PCED1B: variants seen among roughly 807,000 people sequenced by gnomAD.
The protein encoded by PCED1B is PC-esterase domain containing 1B, also known as PC-esterase domain-containing protein 1B.
For synonymous variants in PCED1B, 251 were observed against 246.1 expected, an observed-to-expected ratio of 1.02 and a Z score of -0.19; for missense variants, 573 against 573.9, an observed-to-expected ratio of 1.00 and a Z score of 0.02.
intron 2 of PCED1B, among the ~76,000 whole-genome samples, chr12:47,113,915 C>A (rs974802521): frequency 5.9e-5 from 9 of 151,514 alleles, no homozygotes; most frequent in Admixed American, 3.9e-4. Context: ...TGCGCCCCTG[C>A]ACTCCAGCCT....
chr12:47,081,895 C>T (rs1246547711), intron 1 of PCED1B, among the ~76,000 whole-genome samples: 1 of 152,046 alleles, frequency 6.6e-6, no homozygotes, highest in African/African-American at 2.4e-5. Context: ...ATTATAACTA[C>T]AGGCATATTG....
rs780041489 is a variant in PCED1B at position 47,236,170 on chromosome 12, C to T, written c.1107C>T (p.Val369=). ...CATCAGCCCATGCAGGTTTCTTCGT[C>T]GAAGACAATTTTATGGTTGGTCCTC... ...VPSSAHAGFF[V]EDNFMVGPQL... Residue 369 remains valine, a synonymous_variant, in exon 4 of 4, where the codon GTC becomes GTT. Transcript: ENST00000546455. 6.2e-7 allele frequency: 1 copy of T among 1,614,118 alleles called. No individual in the cohort carries two copies. Among genetic ancestry groups the T allele is most frequent in the South Asian group, 1.1e-5 (1 of 91,074 alleles).
At chr12:47,218,444 A>C (rs1943370369) in intron 3 of PCED1B, among the ~76,000 whole-genome samples, 1 of 152,226 alleles carries the variant, frequency 6.6e-6, no homozygotes, top group Non-Finnish European at 1.5e-5. Flanking sequence ...CAGGCAAAGC[A>C]GTGGGAACTC....
intron 2 of PCED1B, among the ~76,000 whole-genome samples, chr12:47,201,378 T>C (rs1037067442): frequency 2.6e-5 from 4 of 152,146 alleles, no homozygotes; most frequent in African/African-American, 9.7e-5. Flanking sequence ...GGGAGTCAGC[T>C]TGCACAAGTT....
intron 3 of PCED1B, among the ~76,000 whole-genome samples, chr12:47,227,396 C>T (rs1365762873): frequency 1.3e-5 from 2 of 151,962 alleles, no homozygotes. Flanking sequence ...TGGTCTTGAA[C>T]TCCTGACCCC....
chr12:47,084,849 A>G (rs747122062), intron 1 of PCED1B, among the ~76,000 whole-genome samples: 5 of 152,194 alleles, frequency 3.3e-5, no homozygotes, highest in African/African-American at 1.2e-4. Context: ...AGCAGAAAAC[A>G]TTTAGGCTGG....
chr12:47,185,532 T>C (rs191390515), intron 2 of PCED1B, among the ~76,000 whole-genome samples: 1 of 152,170 alleles, frequency 6.6e-6, no homozygotes, highest in Non-Finnish European at 1.5e-5. Flanking sequence ...CTCACACCTG[T>C]AATCCCAGCA....
chr12:47,230,426 A>G (rs1205835008), intron 3 of PCED1B, among the ~76,000 whole-genome samples: 1 of 151,298 alleles, frequency 6.6e-6, no homozygotes, highest in Non-Finnish European at 1.5e-5. Context: ...TAAGTACTTC[A>G]TAGTAGAAAA....
intron 2 of PCED1B, among the ~76,000 whole-genome samples, chr12:47,148,406 G>A (rs1940869016): frequency 6.6e-6 from 1 of 152,184 alleles, no homozygotes; most frequent in South Asian, 2.1e-4. Flanking sequence ...TTGGAAAAGT[G>A]TGGATACTAG....
At chr12:47,131,402 T>C (rs182678905) in intron 2 of PCED1B, among the ~76,000 whole-genome samples, 5 of 152,294 alleles carry the variant, frequency 3.3e-5, no homozygotes. Context: ...ATTCAATTCG[T>C]TCTATTTTCA....
At chr12:47,083,357 A>C (rs1372485774) in intron 1 of PCED1B, among the ~76,000 whole-genome samples, 2 of 152,058 alleles carry the variant, frequency 1.3e-5, no homozygotes, top group East Asian at 3.9e-4. Context: ...CGTGAGGCAC[A>C]CTGGGTGTTC....
At chr12:47,119,639 C>A (rs1245212947) in intron 2 of PCED1B, among the ~76,000 whole-genome samples, 1 of 151,722 alleles carries the variant, frequency 6.6e-6, no homozygotes, top group Non-Finnish European at 1.5e-5. Context: ...TGCAATCTGG[C>A]AAGAGACTTA....
chr12:47,084,101 A>G (rs1565737066), intron 1 of PCED1B, among the ~76,000 whole-genome samples: 2 of 152,234 alleles, frequency 1.3e-5, no homozygotes, highest in Non-Finnish European at 2.9e-5. Flanking sequence ...AAAAAACTCA[A>G]TAAATAAGTT....
intron 2 of PCED1B, among the ~76,000 whole-genome samples, chr12:47,204,189 T>A (rs958018596): frequency 1.3e-5 from 2 of 152,172 alleles, no homozygotes; most frequent in Non-Finnish European, 2.9e-5. Context: ...TCTTAAATGA[T>A]CTGCCCGCTT....
chr12:47,139,316 A>G (rs1359468306), intron 2 of PCED1B, among the ~76,000 whole-genome samples: 2 of 152,222 alleles, frequency 1.3e-5, no homozygotes, highest in East Asian at 3.9e-4. Flanking sequence ...GCCAGTCAGG[A>G]CAGTAATGGG....
Position 47,235,610 on chromosome 12 carries a change from C to A in PCED1B, c.547C>A (p.Arg183=). 2 of 1,608,998 alleles carry A rather than the reference C, an allele frequency of 1.2e-6. No individual in the cohort carries two copies. Among genetic ancestry groups the A allele is most frequent in the South Asian group, 1.1e-5 (1 of 90,630 alleles). Residue 183 remains arginine, a synonymous_variant, in exon 4 of 4, where the codon CGG becomes AGG. Transcript: ENST00000546455. ...TGGFLPPKLR[R]QKATFLKNEV... ...GGGTTTTCTTCCGCCCAAGCTCCGGCGGCAGAAGGCCACCTTCCTGAAAAA... is the reference window on the plus strand; with the variant it reads ...GGGTTTTCTTCCGCCCAAGCTCCGGAGGCAGAAGGCCACCTTCCTGAAAAA...
chr12:47,196,255 G>A (rs1942599398), intron 2 of PCED1B, among the ~76,000 whole-genome samples: 1 of 152,198 alleles, frequency 6.6e-6, no homozygotes, highest in Non-Finnish European at 1.5e-5. Flanking sequence ...GTAGCTAAGT[G>A]TCTGGCATTA....
intron 2 of PCED1B, among the ~76,000 whole-genome samples, chr12:47,108,224 T>C (rs1939043265): frequency 6.6e-6 from 1 of 152,152 alleles, no homozygotes; most frequent in Admixed American, 6.5e-5. Flanking sequence ...AGAGTGGACT[T>C]AGGATGTGAG....
intron 3 of PCED1B, among the ~76,000 whole-genome samples, chr12:47,217,571 G>A (rs1217282763): frequency 6.6e-6 from 1 of 151,976 alleles, no homozygotes; most frequent in African/African-American, 2.4e-5. Context: ...TAATTTCTTA[G>A]GTTGTTTTTG....
Sources: gnomAD v4.1 joint callset for allele counts (sites outside exome capture counted in the v4.1 genomes callset) on GRCh38, gnomAD v4.1.1 for gene constraint, MANE v1.5 for transcripts, NCBI Gene and HGNC (gene_info 2026-07-23, HGNC 2026-07-21) for gene names.